Variants in PPP3CB observed in about 807,000 individuals in gnomAD.
PPP3CB encodes the protein protein phosphatase 3 catalytic subunit beta.
PPP3CB carries 8 observed loss-of-function variants against 66.4 expected under a neutral mutation model. The observed-to-expected ratio is 0.12, with a 90% CI of 0.07 to 0.22. The LOEUF (loss-of-function observed/expected upper bound fraction) is 0.22, where lower values mean the gene tolerates loss of function less well. Ranked by LOEUF, PPP3CB falls within the 10% of genes least tolerant of loss-of-function variation. The pLI, the probability that PPP3CB is intolerant of heterozygous loss-of-function variation, is 1.00. For missense variants in PPP3CB, 319 were observed against 642.5 expected, an observed-to-expected ratio of 0.50 and a Z score of 5.44; for synonymous variants, 208 against 221.2, an observed-to-expected ratio of 0.94 and a Z score of 0.53.
intron 1 of PPP3CB, among the ~76,000 whole-genome samples, chr10:73,485,857 C>T (rs2056962995): frequency 6.6e-6 from 1 of 151,786 alleles, no homozygotes; most frequent in Non-Finnish European, 1.5e-5. Context: ...TCTCCTGCCT[C>T]AGCCTCCCAA....
intron 11 of PPP3CB, 116 bp from the exon 12 acceptor site, chr10:73,444,938 C>A: frequency 2.9e-6 from 3 of 1,029,606 alleles, no homozygotes; most frequent in Non-Finnish European, 2.8e-6. Flanking sequence ...ATTGCTATTA[C>A]CATATTTTCC....
intron 1 of PPP3CB, among the ~76,000 whole-genome samples, chr10:73,485,908 T>G (rs1321148829): frequency 4.1e-5 from 5 of 121,286 alleles, no homozygotes; most frequent in South Asian, 3.1e-4. Flanking sequence ...ACCTGGCTAA[T>G]TGTGTGTGTG....
At chr10:73,491,187 C>A (rs1161472176) in intron 1 of PPP3CB, among the ~76,000 whole-genome samples, 3 of 151,812 alleles carry the variant, frequency 2.0e-5, no homozygotes, top group Non-Finnish European at 4.4e-5. Flanking sequence ...TGTACCACCA[C>A]ACCAGGCTAA....
At chr10:73,477,263 C>A in intron 3 of PPP3CB, 1 of 513,404 alleles carries the variant, frequency 1.9e-6, no homozygotes, top group Admixed American at 2.0e-5. Context: ...GAAATTTGAC[C>A]CCACAATTCT....
chr10:73,436,882 A>T lies in PPP3CB; in HGVS notation c.*1360T>A, dbSNP rs143737425. 6.6e-6 allele frequency: 1 copy of T among 152,502 alleles called. No individual in the cohort carries two copies. Among genetic ancestry groups the T allele is most frequent in the Non-Finnish European group, 1.5e-5 (1 of 68,058 alleles). 9.4% of individuals were successfully genotyped at this position (152,502 alleles called of 1,614,324 possible). ...ACTCGAATAGTCCTGCACATGCATA[A>T]TATTTCCAACTTAGACAGGAGACCA... On this transcript the variant is annotated 3_prime_UTR_variant, in exon 14 of 14. Coordinates refer to ENST00000360663, the MANE Select transcript of PPP3CB (RefSeq NM_021132.4).
At chr10:73,464,212 G>T (rs1485698899) in intron 9 of PPP3CB, among the ~76,000 whole-genome samples, 4 of 152,140 alleles carry the variant, frequency 2.6e-5, no homozygotes, top group Non-Finnish European at 5.9e-5. Context: ...ACAGGCATGA[G>T]CCACCACGCC....
chr10:73,445,023 T>C (rs1015767810), intron 11 of PPP3CB, among the ~76,000 whole-genome samples: 4 of 152,234 alleles, frequency 2.6e-5, no homozygotes, highest in Non-Finnish European at 5.9e-5. Context: ...TTGAGGCATA[T>C]ATTGTTTTTC....
chr10:73,487,105 G>A (rs749988209), intron 1 of PPP3CB, among the ~76,000 whole-genome samples: 3 of 152,180 alleles, frequency 2.0e-5, no homozygotes, highest in African/African-American at 4.8e-5. Flanking sequence ...TGGAAGCAGA[G>A]GTTGTAGTAA....
intron 1 of PPP3CB, 42 bp from the exon 2 acceptor site, chr10:73,479,559 T>C (rs1589712196): frequency 1.3e-6 from 2 of 1,555,702 alleles, no homozygotes; most frequent in East Asian, 4.5e-5. Flanking sequence ...TCACCAAAAA[T>C]ACATTAACTT....
At chr10:73,485,351 C>T (rs2056954358) in intron 1 of PPP3CB, among the ~76,000 whole-genome samples, 1 of 152,128 alleles carries the variant, frequency 6.6e-6, no homozygotes, top group African/African-American at 2.4e-5. Flanking sequence ...GGTGGTGGTA[C>T]AGAGATCTTC....
At chr10:73,462,799 A>T (rs919971465) in intron 9 of PPP3CB, among the ~76,000 whole-genome samples, 4 of 151,768 alleles carry the variant, frequency 2.6e-5, no homozygotes, top group Non-Finnish European at 5.9e-5. Context: ...CAAACACAAA[A>T]ATTAGCTAGG....
chr10:73,445,021 T>C (rs368829993), intron 11 of PPP3CB, among the ~76,000 whole-genome samples, 199 bp from the exon 12 acceptor site: 7 of 152,360 alleles, frequency 4.6e-5, no homozygotes, highest in African/African-American at 1.7e-4. Context: ...CATTGAGGCA[T>C]ATATTGTTTT....
At chr10:73,483,619 T>G (rs2056920134) in intron 1 of PPP3CB, among the ~76,000 whole-genome samples, 1 of 152,100 alleles carries the variant, frequency 6.6e-6, no homozygotes, top group Non-Finnish European at 1.5e-5. Flanking sequence ...ATCATGCCAG[T>G]GCATTCCAGC....
At chr10:73,460,253 A>G (rs2056499432) in intron 9 of PPP3CB, among the ~76,000 whole-genome samples, 1 of 150,698 alleles carries the variant, frequency 6.6e-6, no homozygotes, top group Non-Finnish European at 1.5e-5. Context: ...AAGAAAGGCA[A>G]GAAAGTAATA....
chr10:73,455,170 A>T (rs896441468), intron 9 of PPP3CB, among the ~76,000 whole-genome samples: 63 of 152,198 alleles, frequency 4.1e-4, no homozygotes, highest in African/African-American at 1.3e-3. Flanking sequence ...GGCGTAGGCC[A>T]CTGCGCCTGG....
intron 1 of PPP3CB, among the ~76,000 whole-genome samples, chr10:73,484,293 G>A (rs1055260910): frequency 5.3e-5 from 8 of 149,720 alleles, no homozygotes; most frequent in African/African-American, 1.2e-4. Context: ...TTTTTGAGAC[G>A]GAGTCTCGCT....
At chr10:73,443,520 T>A (rs2132767455) in intron 12 of PPP3CB, among the ~76,000 whole-genome samples, 1 of 152,276 alleles carries the variant, frequency 6.6e-6, no homozygotes, top group South Asian at 2.1e-4. Flanking sequence ...ACATCAGATC[T>A]GTTGCTATTT....
intron 10 of PPP3CB, among the ~76,000 whole-genome samples, chr10:73,449,792 T>C (rs975299243): frequency 6.6e-6 from 1 of 151,488 alleles, no homozygotes; most frequent in Admixed American, 6.6e-5. Context: ...TGCCTTTACC[T>C]AATCTTAGCT....
rs913746912 is a variant in PPP3CB, at chr10:73,478,704, A to G, written c.287-81T>C. 19 of 1,234,310 alleles carry G rather than the reference A, an allele frequency of 1.5e-5. No individual in the cohort carries two copies. The African/African-American group carries it at 2.6e-4, about 17-fold the overall frequency. 76.5% of individuals were successfully genotyped at this position (1,234,310 alleles called of 1,614,324 possible). Reference sequence around the variant, plus strand: ...ACTTAAGTTAAAACGTATTTTACATAAGACATAGTACAAATGCTATCAAGA... The same window carrying G: ...ACTTAAGTTAAAACGTATTTTACATGAGACATAGTACAAATGCTATCAAGA... On this transcript the variant is annotated intron_variant, in intron 2 of 13. Coordinates refer to ENST00000360663, the MANE Select transcript of PPP3CB (RefSeq NM_021132.4).
Sources: allele counts gnomAD v4.1 joint callset (sites outside exome capture counted in the v4.1 genomes callset), GRCh38; gene constraint gnomAD v4.1.1; transcripts MANE v1.5; gene names NCBI Gene and HGNC (gene_info 2026-07-23, HGNC 2026-07-21).